The following GRIK2 variants were observed in gnomAD, a reference collection of about 807,000 sequenced individuals.
GRIK2 encodes glutamate receptor ionotropic, kainate 2.
GRIK2 carries 32 observed loss-of-function variants against 100.3 expected under a neutral mutation model. The ratio of observed to expected loss-of-function variants is 0.32; its 90% CI spans 0.24 to 0.43. The LOEUF (loss-of-function observed/expected upper bound fraction) is 0.43. GRIK2 is among the 20% of genes least tolerant of loss of function. GRIK2 has a pLI of 1.00. For synonymous variants in GRIK2, 417 were observed against 389.4 expected (o/e 1.07, Z -0.83); for missense variants, 843 against 1,114.9 (o/e 0.76, Z 3.47).
intron 14 of GRIK2, among the ~76,000 whole-genome samples, chr6:101,995,648 A>G (rs1416736446): frequency 2.0e-5 from 3 of 151,962 alleles, no homozygotes; most frequent in Non-Finnish European, 4.4e-5. Context: ...AGATTTGTTC[A>G]AATATTTCAA....
chr6:101,954,126 C>G (rs1267093042), intron 14 of GRIK2, among the ~76,000 whole-genome samples: 1 of 152,098 alleles, frequency 6.6e-6, no homozygotes, highest in African/African-American at 2.4e-5. Flanking sequence ...CTATCCATAT[C>G]TACATACCAC....
intron 7 of GRIK2, among the ~76,000 whole-genome samples, chr6:101,780,909 G>T (rs1484169151): frequency 1.4e-4 from 21 of 152,284 alleles, no homozygotes; most frequent in Admixed American, 1.4e-3. Flanking sequence ...TTTAAAAAGT[G>T]TTATATTGCT....
intron 11 of GRIK2, among the ~76,000 whole-genome samples, chr6:101,877,275 A>G (rs1057288020): frequency 6.6e-6 from 1 of 151,972 alleles, no homozygotes; most frequent in Non-Finnish European, 1.5e-5. Context: ...TCCAGATTCA[A>G]TCAACTAGGG....
At chr6:101,755,160 G>GTT (rs1777050919) in intron 7 of GRIK2, among the ~76,000 whole-genome samples, 1 of 137,560 alleles carries the variant, frequency 7.3e-6, no homozygotes. Flanking sequence ...TTTTCTTTTT[G>GTT]GTTTTTTTTT....
At chr6:101,982,204 G>A (rs1411341127) in intron 14 of GRIK2, among the ~76,000 whole-genome samples, 1 of 151,740 alleles carries the variant, frequency 6.6e-6, no homozygotes, top group East Asian at 1.9e-4. Flanking sequence ...TAACTTTTGT[G>A]GTTGCAGATA....
chr6:101,847,119 T>C (rs1783858529), intron 10 of GRIK2, among the ~76,000 whole-genome samples: 2 of 152,100 alleles, frequency 1.3e-5, no homozygotes, highest in African/African-American at 4.8e-5. Flanking sequence ...TCCTTTTTAA[T>C]GTAGATATAT....
At chr6:101,621,899 A>T (rs1241368206) in intron 2 of GRIK2, 50 bp from the exon 3 acceptor site, 1 of 1,279,290 alleles carries the variant, frequency 7.8e-7, no homozygotes, top group Non-Finnish European at 1.1e-6. Context: ...TCTTGTGAAA[A>T]TTATGTTTAT....
intron 14 of GRIK2, among the ~76,000 whole-genome samples, chr6:102,020,332 G>C (rs917752379): frequency 2.0e-4 from 30 of 151,882 alleles, no homozygotes; most frequent in African/African-American, 7.2e-4. Flanking sequence ...CACTGCAATG[G>C]GATATTGTAG....
chr6:101,394,414 A>T (rs76993273), intron 1 of GRIK2, among the ~76,000 whole-genome samples: 5,050 of 152,302 alleles, frequency 0.033, 140 homozygotes, highest in East Asian at 0.15. Flanking sequence ...AACGAACCAC[A>T]TCCTCTGATA....
intron 2 of GRIK2, among the ~76,000 whole-genome samples, chr6:101,448,635 C>T (rs1290481099): frequency 6.6e-6 from 1 of 151,300 alleles, no homozygotes; most frequent in African/African-American, 2.4e-5. Context: ...GGTTGATGAG[C>T]CATTTTGAAG....
chr6:101,919,633 A>C (rs1350873478), intron 12 of GRIK2, among the ~76,000 whole-genome samples: 1 of 151,844 alleles, frequency 6.6e-6, no homozygotes, highest in African/African-American at 2.4e-5. Context: ...AGTTAAAGTC[A>C]TGAGTGTGTT....
At chr6:101,679,856 G>A (rs573687375) in intron 5 of GRIK2, among the ~76,000 whole-genome samples, 221 of 151,970 alleles carry the variant, frequency 1.5e-3, no homozygotes, top group African/African-American at 4.9e-3. Context: ...TCTCTGCCTC[G>A]GCCTCCTGAG....
chr6:101,642,001 T>C (rs1286619507), intron 4 of GRIK2, among the ~76,000 whole-genome samples: 1 of 151,952 alleles, frequency 6.6e-6, no homozygotes, highest in Non-Finnish European at 1.5e-5. Flanking sequence ...TTGTTGTAAC[T>C]GCTTCGCTAT....
chr6:102,018,338 A>T (rs1027635264), intron 14 of GRIK2, among the ~76,000 whole-genome samples: 2 of 152,076 alleles, frequency 1.3e-5, no homozygotes, highest in African/African-American at 4.8e-5. Context: ...ACAGAGCTTG[A>T]GTTGAGTATT....
intron 7 of GRIK2, among the ~76,000 whole-genome samples, chr6:101,783,071 G>C (rs545869569): frequency 2.0e-5 from 3 of 152,064 alleles, no homozygotes; most frequent in Admixed American, 6.6e-5. Flanking sequence ...TGTTAGCCAG[G>C]ATGGTCTCGA....
At chr6:101,912,195 T>G (rs368394820) in intron 12 of GRIK2, among the ~76,000 whole-genome samples, 8 of 151,388 alleles carry the variant, frequency 5.3e-5, no homozygotes, top group African/African-American at 1.9e-4. Context: ...TATTTTTTAT[T>G]GGGTATACGG....
intron 14 of GRIK2, among the ~76,000 whole-genome samples, chr6:101,977,792 C>A (rs941832746): frequency 2.0e-5 from 3 of 151,952 alleles, no homozygotes; most frequent in Non-Finnish European, 4.4e-5. Flanking sequence ...ATCCTCTAAG[C>A]CTTTTTTGAC....
At chr6:101,572,387 T>A (rs1386587180) in intron 2 of GRIK2, among the ~76,000 whole-genome samples, 1 of 152,174 alleles carries the variant, frequency 6.6e-6, no homozygotes, top group Non-Finnish European at 1.5e-5. Flanking sequence ...GCAATCATTG[T>A]GATAACACTA....
intron 14 of GRIK2, among the ~76,000 whole-genome samples, chr6:101,931,810 A>G (rs1582561435): frequency 6.6e-6 from 1 of 152,150 alleles, no homozygotes; most frequent in Admixed American, 6.6e-5. Context: ...TATCACCAAT[A>G]TGTTCTTAAT....
Sources: gnomAD v4.1 joint callset for allele counts (sites outside exome capture counted in the v4.1 genomes callset) on GRCh38, gnomAD v4.1.1 for gene constraint, MANE v1.5 for transcripts, NCBI Gene and HGNC (gene_info 2026-07-23, HGNC 2026-07-21) for gene names.